Variants in MACF1 observed in about 807,000 individuals in gnomAD.
The protein encoded by MACF1 is microtubule-actin cross-linking factor 1.
Under a neutral mutation model 854.8 loss-of-function variants are expected in MACF1, and 193 were observed. The observed-to-expected ratio is 0.23, with a 90% confidence interval of 0.20 to 0.25. MACF1 has a LOEUF of 0.25. Among genes scored for constraint, MACF1 ranks in the 10% least tolerant of loss-of-function variants. The pLI is 1.00. For synonymous variants in MACF1, 3,185 were observed against 3,226.7 expected, an observed-to-expected ratio of 0.99 and a Z score of 0.44; for missense variants, 7,722 against 8,929.1, an observed-to-expected ratio of 0.86 and a Z score of 5.45.
At chr1:39,426,368 G>A (rs931977765) in intron 61 of MACF1, among the ~76,000 whole-genome samples, 6 of 152,094 alleles carry the variant, frequency 3.9e-5, no homozygotes, top group South Asian at 2.1e-4. Context: ...AGGACCTGGC[G>A]TAAATTAGGT....
Position 39,385,820 on chromosome 1 carries a change from A to G in MACF1, c.14235A>G (p.Thr4745=), listed in dbSNP as rs757098195. The G allele has an allele frequency of 1.9e-6, 3 of 1,614,154 alleles. No individual in the cohort carries two copies. Among genetic ancestry groups the G allele is most frequent in the East Asian group, 4.5e-5 (2 of 44,878 alleles). ...ACCACGAGGTTAAGGAGGCTCAGAC[A>G]CTGTGCGATGAACTCTCAGTGCTCA... ...QLDHEVKEAQ[T]LCDELSVLIG... The change falls in exon 57 of 101, where the codon ACA becomes ACG. Residue 4745 remains threonine (T), a synonymous_variant. Transcript: ENST00000564288.
intron 6 of MACF1, among the ~76,000 whole-genome samples, chr1:39,274,752 T>A (rs1645401040): frequency 6.6e-6 from 1 of 152,206 alleles, no homozygotes. Context: ...TTCTGCAACT[T>A]ACTAGCAGTA....
chr1:39,432,080 T>G (rs948747379), intron 66 of MACF1, among the ~76,000 whole-genome samples: 4 of 152,168 alleles, frequency 2.6e-5, no homozygotes, highest in Non-Finnish European at 5.9e-5. Context: ...TAAAAATGTG[T>G]TGTTCTTTTG....
intron 70 of MACF1, 78 bp from the exon 71 acceptor site, chr1:39,437,699 C>T (rs773107333): frequency 9.2e-7 from 1 of 1,089,916 alleles, no homozygotes; most frequent in Admixed American, 1.7e-5. Context: ...AGGATAATAT[C>T]TTGTCCTTAT....
At chr1:39,352,808 T>C (rs1358713870) in intron 43 of MACF1, among the ~76,000 whole-genome samples, 199 bp from the exon 44 acceptor site, 3 of 151,648 alleles carry the variant, frequency 2.0e-5, no homozygotes, top group African/African-American at 7.3e-5. Flanking sequence ...TAAGATATAA[T>C]GAAATGTAGA....
chr1:39,450,929 G>A (rs1644331493), intron 84 of MACF1, 123 bp from the exon 85 acceptor site: 1 of 1,151,804 alleles, frequency 8.7e-7, no homozygotes, highest in Non-Finnish European at 1.2e-6. Flanking sequence ...ATTTCTAACT[G>A]TTCTAACATA....
chr1:39,410,861 A>C (rs555429628), intron 58 of MACF1: 2 of 1,614,044 alleles, frequency 1.2e-6, no homozygotes, highest in Non-Finnish European at 1.7e-6. Flanking sequence ...CATGTGTCCA[A>C]ATCCATAGGT....
At chr1:39,354,615 G>T (rs146787207) in intron 44 of MACF1, among the ~76,000 whole-genome samples, 4 of 152,108 alleles carry the variant, frequency 2.6e-5, no homozygotes, top group African/African-American at 7.2e-5. Flanking sequence ...ATGTTGGCCA[G>T]ACTGGTCTCA....
At chr1:39,337,136 A>G (rs1326538042) in intron 37 of MACF1, 46 bp from the exon 38 acceptor site, 1 of 1,566,684 alleles carries the variant, frequency 6.4e-7, no homozygotes, top group East Asian at 2.3e-5. Context: ...AAGCTGACTT[A>G]CAGGAGAACG....
At chr1:39,337,562 A>ATTTTTTTTTT (rs35312351) in intron 38 of MACF1, among the ~76,000 whole-genome samples, 12 of 100,158 alleles carry the variant, frequency 1.2e-4, no homozygotes, top group South Asian at 3.6e-4. Context: ...AATTACTACC[A>ATTTTTTTTTT]TTTTTTTTTT....
In MACF1 at chr1:39,459,122, C is replaced by T; in HGVS notation, c.21233C>T (p.Pro7078Leu). ...AGTCAGCCAACCCCTCCTCCCATGC[C>T]AATCCTTTCACAGTCTGAAGCAAAA... The part of the protein sequence containing the change: ...SLSQPTPPPM[P>L]ILSQSEAKNP... Residue 7078 changes from proline to leucine, a missense_variant, in exon 91 of 101, where the codon CCA becomes CTA. Around this residue, in one of 15 missense-constraint regions of MACF1, gnomAD observed 729 missense variants for 900.5 expected, o/e 0.81. Transcript: ENST00000564288. 1 of 1,614,032 alleles carries T rather than the reference C, an allele frequency of 6.2e-7. No homozygotes were observed. Among genetic ancestry groups the T allele is most frequent in the East Asian group, 2.2e-5 (1 of 44,884 alleles).
chr1:39,146,276 C>G (rs894353488), intron 2 of MACF1, among the ~76,000 whole-genome samples: 9 of 152,042 alleles, frequency 5.9e-5, no homozygotes, highest in Admixed American at 5.2e-4. Flanking sequence ...AACCCCATCT[C>G]TACTAAAAAT....
chr1:39,257,896 A>G (rs1295357548), intron 5 of MACF1, 40 bp from the exon 6 acceptor site: 1 of 1,442,260 alleles, frequency 6.9e-7, no homozygotes, highest in East Asian at 2.3e-5. Context: ...CAAAACAAAA[A>G]GTCCTAGAGC....
intron 36 of MACF1, among the ~76,000 whole-genome samples, chr1:39,330,494 G>A (rs538531180): frequency 1.2e-4 from 18 of 152,228 alleles, no homozygotes; most frequent in Admixed American, 2.6e-4. Flanking sequence ...GTTGTATGGC[G>A]TTGAATTCTC....
intron 2 of MACF1, among the ~76,000 whole-genome samples, chr1:39,178,762 G>A (rs998032453): frequency 6.6e-6 from 1 of 152,164 alleles, no homozygotes; most frequent in African/African-American, 2.4e-5. Flanking sequence ...TCCTTCATGA[G>A]GCATGGCTAT....
intron 2 of MACF1, among the ~76,000 whole-genome samples, chr1:39,196,527 G>A (rs1371673841): frequency 1.3e-5 from 2 of 152,122 alleles, no homozygotes; most frequent in African/African-American, 4.8e-5. Flanking sequence ...TGTCTGCATC[G>A]TGCCATTTCC....
chr1:39,269,367 G>A (rs1402125519), intron 6 of MACF1: 1 of 1,289,714 alleles, frequency 7.8e-7, no homozygotes, highest in Non-Finnish European at 1.0e-6. Context: ...GAGTGTGGAG[G>A]AAGGAACCAA....
Position 39,429,932 on chromosome 1 carries a change from G to A in MACF1, c.16994G>A (p.Arg5665Gln), listed in dbSNP as rs1244227457. 11 of 1,614,076 alleles carry A rather than the reference G, an allele frequency of 6.8e-6. No individual in the cohort carries two copies. Among genetic ancestry groups the A allele is most frequent in the East Asian group, 4.5e-5 (2 of 44,886 alleles). The change falls in exon 65 of 101, where the codon CGG becomes CAG. Residue 5665 changes from arginine (R) to glutamine (Q), a missense_variant. This residue lies in a region of MACF1 where 2,807 missense variants were observed against 3,235.8 expected (regional missense o/e 0.87). Transcript: ENST00000564288. ...GCCCTCAGAACTTTAGAGCAAGCCC[G>A]GCAGCTGGCCACCAAGTTCCAGTCT... is the stretch of plus-strand genomic sequence containing the variant. Reference protein sequence around the residue: ...SKALRTLEQARQLATKFQSTY... With the variant: ...SKALRTLEQAQQLATKFQSTY...
chr1:39,446,296 A>G (rs1570111441), intron 80 of MACF1, among the ~76,000 whole-genome samples: 1 of 145,876 alleles, frequency 6.9e-6, no homozygotes, highest in Non-Finnish European at 1.5e-5. Flanking sequence ...ATAAAAGTAT[A>G]TCTTTTATAT....
Sources: gnomAD v4.1 joint callset for allele counts (sites outside exome capture counted in the v4.1 genomes callset) on GRCh38, gnomAD v4.1.1 for gene constraint, gnomAD v4.1.1 regional missense constraint, MANE v1.5 for transcripts, NCBI Gene and HGNC (gene_info 2026-07-23, HGNC 2026-07-21) for gene names.